The following ZBTB20 variants were observed in gnomAD, a reference collection of about 807,000 sequenced individuals.
The protein encoded by ZBTB20 is zinc finger and BTB domain-containing protein 20.
In ZBTB20, 9 loss-of-function variants were observed where a neutral mutation model predicts 56.9. That is an observed-to-expected ratio of 0.16 (90% CI 0.10 to 0.28). The LOEUF is 0.28. Among genes scored for constraint, ZBTB20 ranks in the 10% least tolerant of loss-of-function variants. ZBTB20 has a pLI of 1.00. For missense variants in ZBTB20, 655 were observed against 1,003.0 expected, an observed-to-expected ratio of 0.65 and a Z score of 4.69; for synonymous variants, 417 against 420.7, an observed-to-expected ratio of 0.99 and a Z score of 0.11.
At chr3:114,384,820 T>C (rs1049661509) in intron 8 of ZBTB20, among the ~76,000 whole-genome samples, 2 of 152,198 alleles carry the variant, frequency 1.3e-5, no homozygotes, top group African/African-American at 4.8e-5. Flanking sequence ...TTAAAACATA[T>C]TGATGATATG....
At chr3:114,427,201 C>T (rs931739158) in intron 7 of ZBTB20, among the ~76,000 whole-genome samples, 2 of 152,168 alleles carry the variant, frequency 1.3e-5, no homozygotes, top group African/African-American at 4.8e-5. Context: ...TCCCAAATTT[C>T]TCTCACCCTC....
At chr3:115,107,804 T>G (rs1323060256) in intron 1 of ZBTB20, among the ~76,000 whole-genome samples, 1 of 152,186 alleles carries the variant, frequency 6.6e-6, no homozygotes, top group Non-Finnish European at 1.5e-5. Flanking sequence ...TGGAATACTA[T>G]GCAGCCATAA....
Position 114,676,771 on chromosome 3 carries a change from A to ATT in ZBTB20, c.-295+16755_-295+16756dup, listed in dbSNP as rs397873968. 2.1e-3 allele frequency among the ~76,000 whole-genome samples: 259 copies of ATT among 123,282 alleles called. 5 individuals carry two copies. The highest frequency in any genetic ancestry group is 4.5e-3 in the Middle Eastern group (1 of 224). 80.9% of individuals were successfully genotyped at this position (123,282 alleles called of 152,430 possible). A position where few individuals can be genotyped will look rare whatever the true frequency, so the allele number is the denominator to read the frequency against. On this transcript the variant is annotated intron_variant, in intron 6 of 11. Coordinates refer to ENST00000675478, the MANE Select transcript of ZBTB20 (RefSeq NM_001348800.3). ...TCCCTCTAAGCCTCTGAACTAGGGG[A>ATT]TTTTTTTTTTTTTTTTTTTTTGGAG...
chr3:114,526,811 T>C (rs2047270623), intron 6 of ZBTB20, among the ~76,000 whole-genome samples: 1 of 152,202 alleles, frequency 6.6e-6, no homozygotes, highest in African/African-American at 2.4e-5. Flanking sequence ...GGGGGATCAG[T>C]GCAAAAGCAG....
At chr3:114,449,877 T>C (rs1042659020) in intron 7 of ZBTB20, among the ~76,000 whole-genome samples, 1 of 152,142 alleles carries the variant, frequency 6.6e-6, no homozygotes, top group Non-Finnish European at 1.5e-5. Flanking sequence ...TTATGCACAA[T>C]AGATACCCTT....
intron 5 of ZBTB20, among the ~76,000 whole-genome samples, chr3:114,751,170 T>A (rs2067530460): frequency 6.6e-6 from 1 of 152,184 alleles, no homozygotes; most frequent in Non-Finnish European, 1.5e-5. Context: ...ATTAATGAGC[T>A]TATAGCCATT....
At chr3:114,369,572 A>G (rs1372854646) in intron 10 of ZBTB20, among the ~76,000 whole-genome samples, 1 of 152,224 alleles carries the variant, frequency 6.6e-6, no homozygotes, top group Non-Finnish European at 1.5e-5. Context: ...TCACCATCCT[A>G]CAGTAGAAGT....
At chr3:114,779,065 G>A (rs1323407875) in intron 5 of ZBTB20, among the ~76,000 whole-genome samples, 1 of 152,078 alleles carries the variant, frequency 6.6e-6, no homozygotes, top group Non-Finnish European at 1.5e-5. Flanking sequence ...ATACCAGGGG[G>A]ACTCAAGGCA....
At chr3:114,768,247 T>C (rs959032348) in intron 5 of ZBTB20, among the ~76,000 whole-genome samples, 1 of 152,018 alleles carries the variant, frequency 6.6e-6, no homozygotes, top group African/African-American at 2.4e-5. Flanking sequence ...TCATTGTTCC[T>C]GGAATTTAGA....
chr3:114,646,120 C>CT (rs932516566), intron 6 of ZBTB20, among the ~76,000 whole-genome samples: 2 of 117,368 alleles, frequency 1.7e-5, no homozygotes, highest in African/African-American at 4.8e-5. Flanking sequence ...TTTTCTCAAT[C>CT]TTTTTTTATA....
chr3:114,399,690 C>G, intron 7 of ZBTB20, among the ~76,000 whole-genome samples: 1 of 152,160 alleles, frequency 6.6e-6, no homozygotes, highest in South Asian at 2.1e-4. Flanking sequence ...GCCACCGGGG[C>G]AAGACTGCTA....
intron 7 of ZBTB20, among the ~76,000 whole-genome samples, chr3:114,452,509 C>T (rs558451088): frequency 1.4e-4 from 22 of 152,252 alleles, no homozygotes; most frequent in African/African-American, 5.3e-4. Context: ...TGAGGCAACA[C>T]ATACATAGTA....
At chr3:115,049,921 AT>A (rs532851241) in intron 2 of ZBTB20, among the ~76,000 whole-genome samples, 3 of 152,200 alleles carry the variant, frequency 2.0e-5, no homozygotes, top group Non-Finnish European at 2.9e-5. Flanking sequence ...TATTTCTGGA[AT>A]TTTTTTCACA....
chr3:114,722,808 T>C (rs1449595355), intron 5 of ZBTB20, among the ~76,000 whole-genome samples: 1 of 152,222 alleles, frequency 6.6e-6, no homozygotes, highest in African/African-American at 2.4e-5. Context: ...GGTTGTTGTC[T>C]GGGCATCATT....
intron 7 of ZBTB20, among the ~76,000 whole-genome samples, chr3:114,480,717 C>T (rs558424401): frequency 2.6e-5 from 4 of 152,064 alleles, no homozygotes; most frequent in Non-Finnish European, 5.9e-5. Context: ...GTTGGCTGGA[C>T]TAAAGCTGAC....
chr3:115,117,685 C>A (rs1055651520), intron 1 of ZBTB20, among the ~76,000 whole-genome samples: 12 of 151,762 alleles, frequency 7.9e-5, no homozygotes, highest in African/African-American at 2.9e-4. Flanking sequence ...GAAAAACTAG[C>A]TTGTGATATA....
chr3:115,115,623 C>T (rs1484500114), intron 1 of ZBTB20, among the ~76,000 whole-genome samples: 3 of 151,986 alleles, frequency 2.0e-5, no homozygotes, highest in Non-Finnish European at 4.4e-5. Context: ...TAGTTTGTTG[C>T]CATATTATTT....
At chr3:114,482,475 T>G (rs575379868) in intron 7 of ZBTB20, among the ~76,000 whole-genome samples, 2 of 152,358 alleles carry the variant, frequency 1.3e-5, no homozygotes, top group Non-Finnish European at 2.9e-5. Flanking sequence ...CTGTGATTTT[T>G]AATGGGTCAG....
rs556371383 is a variant in ZBTB20 at position 114,318,281 on chromosome 3, C to A, written c.*20724G>T. 1 of 152,392 alleles carries A rather than the reference C, an allele frequency of 6.6e-6. No homozygotes were observed. The highest frequency in any genetic ancestry group is 1.9e-4 in the East Asian group (1 of 5,184). 9.4% of individuals were successfully genotyped at this position (152,392 alleles called of 1,614,324 possible). A position where few individuals can be genotyped will look rare whatever the true frequency, so the allele number is the denominator to read the frequency against. On this transcript the variant is annotated 3_prime_UTR_variant, in exon 12 of 12. Transcript: ENST00000675478. Reference sequence around the variant, plus strand: ...GCTCAGTGGTCTCTTGCCCCACCTTCCTGAGGGCTGGGGGGCCTTCACACC... The same window carrying A: ...GCTCAGTGGTCTCTTGCCCCACCTTACTGAGGGCTGGGGGGCCTTCACACC...
Sources: allele counts gnomAD v4.1 joint callset (sites outside exome capture counted in the v4.1 genomes callset), GRCh38; gene constraint gnomAD v4.1.1; transcripts MANE v1.5; gene names NCBI Gene and HGNC (gene_info 2026-07-23, HGNC 2026-07-21).